Variants in HROB observed in about 807,000 individuals in gnomAD.
HROB encodes the protein homologous recombination factor with OB-fold, also known as homologous recombination OB-fold protein.
Under a neutral mutation model 61.0 loss-of-function variants are expected in HROB, and 44 were observed. The observed-to-expected ratio is 0.72, with a 90% confidence interval of 0.57 to 0.93. HROB has a LOEUF of 0.93. Ranked by LOEUF, HROB falls within the 40% of genes least tolerant of loss-of-function variation. The pLI, the probability that HROB is intolerant of heterozygous loss-of-function variation, is 0.00. For missense variants in HROB, 716 were observed against 796.2 expected, an observed-to-expected ratio of 0.90 and a Z score of 1.21; for synonymous variants, 301 against 310.4, an observed-to-expected ratio of 0.97 and a Z score of 0.32.
chr17:44,148,740 C>G lies in HROB; in HGVS notation c.937C>G (p.His313Asp). 1 of 1,614,214 alleles carries G rather than the reference C, an allele frequency of 6.2e-7. No individual in the cohort carries two copies. Among genetic ancestry groups the G allele is most frequent in the Non-Finnish European group, 8.5e-7 (1 of 1,180,042 alleles). ...AAGTTCCTGGTTAAGTGGCAAAGCT[C>G]ATTTACCCAGACCTCGAACTCCCAA... ...SPSSWLSGKA[H>D]LPRPRTPNSS... Residue 313 changes from histidine (H) to aspartate (D), a missense_variant, in exon 3 of 10, where the codon CAT becomes GAT. Physicochemically the swap from His to Asp is moderately conservative, Grantham distance 81 (BLOSUM62 -1). Coordinates refer to ENST00000585683, the MANE Select transcript of HROB (RefSeq NM_001171251.3).
Position 44,145,216 on chromosome 17 carries a change from A to G in HROB, c.17A>G (p.Gln6Arg). 1 of 1,613,986 alleles carries G rather than the reference A, an allele frequency of 6.2e-7. No homozygotes were observed. The highest frequency in any genetic ancestry group is 1.3e-5 in the African/African-American group (1 of 75,044). Residue 6 changes from glutamine (Q) to arginine (R), a missense_variant, in exon 2 of 10, where the codon CAG becomes CGG. Gln to Arg is a conservative substitution (Grantham distance 43). Coordinates refer to ENST00000585683, the MANE Select transcript of HROB (RefSeq NM_001171251.3). MACSL[Q>R]KLFAVEEEFE... ...TTTTCTTTTCAGGCGTGCAGTTTGC[A>G]GAAGCTGTTTGCTGTGGAAGAGGAG...
At chr17:44,142,244 G>T (rs2053466770) in intron 1 of HROB, 99 bp downstream of exon 1, 2 of 1,355,516 alleles carry the variant, frequency 1.5e-6, no homozygotes, top group South Asian at 1.6e-5. Flanking sequence ...CAAGTTGCAG[G>T]ACCGGGGTCT....
intron 9 of HROB, among the ~76,000 whole-genome samples, chr17:44,160,732 A>G (rs2054113329): frequency 1.3e-5 from 2 of 152,142 alleles, no homozygotes; most frequent in Admixed American, 6.6e-5. Flanking sequence ...TTCTCACACT[A>G]CCTAATTCAC....
chr17:44,145,358 CAT>C (rs2053581904), intron 2 of HROB, 105 bp downstream of exon 2: 42 of 1,358,870 alleles, frequency 3.1e-5, no homozygotes, highest in Non-Finnish European at 3.8e-5. Flanking sequence ...TTTTAGTTGA[CAT>C]GTGTATGTTT....
chr17:44,151,397 G>A (rs1201738553), intron 4 of HROB, among the ~76,000 whole-genome samples: 2 of 152,162 alleles, frequency 1.3e-5, no homozygotes, highest in African/African-American at 4.8e-5. Context: ...AACTGAGCTG[G>A]GAAGGATCTG....
At chr17:44,150,877 C>T (rs534761159) in intron 3 of HROB, 84 bp from the exon 4 acceptor site, 5 of 1,166,732 alleles carry the variant, frequency 4.3e-6, no homozygotes, top group Non-Finnish European at 6.3e-6. Context: ...TTCCTGAACT[C>T]ATTATGTAAA....
In HROB at chr17:44,160,089, A is replaced by G. The variant is rs147549562; in HGVS notation, c.1880-1782A>G. 6.2e-4 allele frequency among the ~76,000 whole-genome samples: 94 copies of G among 152,314 alleles called. 3 individuals are homozygous for G. Among genetic ancestry groups the G allele is most frequent in the African/African-American group, 2.2e-3 (92 of 41,572 alleles). Reference sequence around the variant, plus strand: ...CTAAGTAACGGGTGCCTTACCAGGCACTGGCGCTACTGCTAGACCAAGGTG... The same window carrying G: ...CTAAGTAACGGGTGCCTTACCAGGCGCTGGCGCTACTGCTAGACCAAGGTG... On this transcript the variant is annotated intron_variant, in intron 9 of 9. Coordinates refer to ENST00000585683, the MANE Select transcript of HROB (RefSeq NM_001171251.3).
In HROB at chr17:44,162,374, T is replaced by A. The variant is rs993004920; in HGVS notation, c.*442T>A. 3 of 172,186 alleles carry A rather than the reference T, an allele frequency of 1.7e-5. No individual in the cohort carries two copies. The highest frequency in any genetic ancestry group is 7.2e-5 in the African/African-American group (3 of 41,918). The allele number at this position is 172,186 out of a possible 1,614,324, so 10.7% of individuals were successfully genotyped here. The stretch of plus-strand genomic sequence containing the variant: ...GCTCAGGCTTCCTCTGCTTTGTCTC[T>A]TCAGACCTGTGGTTGCTCTGCTCAT... On this transcript the variant is annotated 3_prime_UTR_variant, in exon 10 of 10. Coordinates refer to ENST00000585683, the MANE Select transcript of HROB (RefSeq NM_001171251.3).
At chr17:44,146,690 GTTA>G (rs749975061) in intron 2 of HROB, among the ~76,000 whole-genome samples, 1 of 151,836 alleles carries the variant, frequency 6.6e-6, no homozygotes, top group Admixed American at 6.6e-5. Context: ...TATAGTTCTG[GTTA>G]TTATTATTAT....
At position 44,148,003 on chromosome 17, in the gene HROB, C is replaced by T; in HGVS notation, c.200C>T (p.Ala67Val). Residue 67 changes from alanine (A) to valine (V), a missense_variant, in exon 3 of 10, where the codon GCT (alanine) becomes GTT (valine). By Grantham distance (64) the Ala-to-Val change is moderately conservative. Transcript: ENST00000585683. ...SSRLLLLHPT[A>V]PSEALGLPDL... ...AGGCTGCTGCTGTTACACCCCACTG[C>T]TCCCTCAGAGGCTTTGGGCCTGCCA... The T allele has an allele frequency of 6.2e-7, 1 of 1,614,064 alleles. No individual in the cohort carries two copies. Among genetic ancestry groups the T allele is most frequent in the Non-Finnish European group, 8.5e-7 (1 of 1,180,048 alleles).
chr17:44,162,417 A>G lies in HROB; in HGVS notation c.*485A>G. ...CTGCTCATCCATGCCCAAGGTTCCC[A>G]GGTGCAGGACAGAGGTGTGGCCTAT... On this transcript the variant is annotated 3_prime_UTR_variant, in exon 10 of 10. Coordinates refer to ENST00000585683, the MANE Select transcript of HROB (RefSeq NM_001171251.3). 6.2e-6 allele frequency: 1 copy of G among 160,708 alleles called. No individual in the cohort carries two copies. Among genetic ancestry groups the G allele is most frequent in the East Asian group, 1.8e-4 (1 of 5,434 alleles). 10.0% of individuals were successfully genotyped at this position (160,708 alleles called of 1,614,324 possible). A position where few individuals can be genotyped will look rare whatever the true frequency, so the allele number is the denominator to read the frequency against.
At chr17:44,158,049 A>G (rs949597977) in intron 9 of HROB, 108 bp downstream of exon 9, 2 of 748,182 alleles carry the variant, frequency 2.7e-6, no homozygotes, top group Middle Eastern at 2.5e-4. Context: ...GAATCTTTGG[A>G]TCTTATATAA....
Position 44,148,549 on chromosome 17 carries a change from G to T in HROB, c.746G>T (p.Gly249Val), listed in dbSNP as rs749877800. 3 of 1,613,888 alleles carry T rather than the reference G, an allele frequency of 1.9e-6. No homozygotes were observed. In the African/African-American group the frequency reaches 4.0e-5, roughly 22 times the overall value. ...CCCCCCTTGAGACCTGGTGCTGTGG[G>T]TCACCTTCCTGTTCCAACTGCCTTA... ...PRPPLRPGAV[G>V]HLPVPTALTV... is the part of the protein sequence containing the mutation. The change falls in exon 3 of 10, where the codon GGT becomes GTT. Residue 249 changes from glycine to valine, a missense_variant. By Grantham distance (109) the Gly-to-Val change is moderately radical (BLOSUM62 -3). Coordinates refer to ENST00000585683, the MANE Select transcript of HROB (RefSeq NM_001171251.3).
At position 44,148,762 on chromosome 17, in the gene HROB, C is replaced by T. The variant is rs766919863; in HGVS notation, c.959C>T (p.Pro320Leu). Residue 320 changes from proline to leucine, a missense_variant, in exon 3 of 10, where the codon CCC (proline) becomes CTC (leucine). Physicochemically the swap from Pro to Leu is moderately conservative, Grantham distance 98. Coordinates refer to ENST00000585683, the MANE Select transcript of HROB (RefSeq NM_001171251.3). ...GKAHLPRPRT[P>L]NSSCSTPSRT... ...GCTCATTTACCCAGACCTCGAACTC[C>T]CAACTCAAGCTGTTCTACTCCCTCA... The T allele has an allele frequency of 3.3e-5, 54 of 1,614,088 alleles. No homozygotes were observed. In the Admixed American group the frequency reaches 7.7e-4, roughly 23 times the overall value.
chr17:44,156,829 C>G (rs761626399), intron 8 of HROB, among the ~76,000 whole-genome samples: 1 of 151,656 alleles, frequency 6.6e-6, no homozygotes, highest in Non-Finnish European at 1.5e-5. Flanking sequence ...CACTCGGCTA[C>G]TTTTTGTATT....
rs768578828 is a variant in HROB, at chr17:44,154,600, G to A, written c.1494G>A (p.Ala498=). Residue 498 remains alanine, a synonymous_variant, in exon 6 of 10, where the codon GCG becomes GCA. Coordinates refer to ENST00000585683, the MANE Select transcript of HROB (RefSeq NM_001171251.3). ...QLPRNKVPNM[A]VMIKSLTRST... is the part of the protein sequence containing the mutation. Reference sequence around the variant, plus strand: ...CTAGGAACAAGGTCCCCAACATGGCGGTGATGATCAAGTCCCTGACTCGGA... The same window carrying A: ...CTAGGAACAAGGTCCCCAACATGGCAGTGATGATCAAGTCCCTGACTCGGA... The A allele has an allele frequency of 1.5e-5, 24 of 1,614,018 alleles. No homozygotes were observed. The East Asian group carries it at 2.2e-4, about 15-fold the overall frequency.
At chr17:44,157,797 G>C in intron 8 of HROB, 36 bp from the exon 9 acceptor site, 1 of 1,543,100 alleles carries the variant, frequency 6.5e-7, no homozygotes, top group Non-Finnish European at 8.9e-7. Flanking sequence ...GGATTTCAGG[G>C]ACACAGGCAT....
At chr17:44,142,666 G>A (rs2053488573) in intron 1 of HROB, among the ~76,000 whole-genome samples, 1 of 151,854 alleles carries the variant, frequency 6.6e-6, no homozygotes, top group East Asian at 1.9e-4. Flanking sequence ...ATCTGGGTTT[G>A]ACACTCATCA....
At chr17:44,146,017 C>T (rs1446022550) in intron 2 of HROB, among the ~76,000 whole-genome samples, 1 of 152,156 alleles carries the variant, frequency 6.6e-6, no homozygotes, top group African/African-American at 2.4e-5. Context: ...TGATGCTCTC[C>T]ACCTCCCTGC....
Sources: allele counts gnomAD v4.1 joint callset (sites outside exome capture counted in the v4.1 genomes callset), GRCh38; gene constraint gnomAD v4.1.1; transcripts MANE v1.5; gene names NCBI Gene and HGNC (gene_info 2026-07-23, HGNC 2026-07-21).